ATP5MG: variants seen among roughly 807,000 people sequenced by gnomAD.
ATP5MG encodes ATP synthase membrane subunit g, also known as ATP synthase F(0) complex subunit g, mitochondrial.
A neutral mutation model predicts 12.7 loss-of-function variants in ATP5MG; 7 were observed. That is an observed-to-expected ratio of 0.55 (90% CI 0.31 to 1.04). The LOEUF (loss-of-function observed/expected upper bound fraction) is 1.04. Among genes scored for constraint, ATP5MG ranks in the 50% least tolerant of loss-of-function variants. ATP5MG has a pLI of 0.05. For missense variants in ATP5MG, 116 were observed against 126.7 expected, an observed-to-expected ratio of 0.92 and a Z score of 0.41; for synonymous variants, 53 against 48.2, an observed-to-expected ratio of 1.10 and a Z score of -0.41.
rs1267792141 is a variant in ATP5MG, at chr11:118,407,059, A to G, written c.175A>G (p.Ser59Gly). 2 of 1,614,184 alleles carry G rather than the reference A, an allele frequency of 1.2e-6. No individual in the cohort carries two copies. Among genetic ancestry groups the G allele is most frequent in the Non-Finnish European group, 1.7e-6 (2 of 1,180,038 alleles). ...TCAGAGCCTGAAAAAAATAGTCAAT[A>G]GTGCTCAGACTGGTAGCTTCAAACA... Reference protein sequence around the residue: ...AIQSLKKIVNSAQTGSFKQLT... With the variant: ...AIQSLKKIVNGAQTGSFKQLT... Residue 59 changes from serine (S) to glycine (G), a missense_variant, in exon 2 of 3, where the codon AGT (serine) becomes GGT (glycine). Coordinates refer to ENST00000300688, the MANE Select transcript of ATP5MG (RefSeq NM_006476.5).
chr11:118,401,753 G>C, intron 1 of ATP5MG, 36 bp downstream of exon 1: 1 of 1,604,418 alleles, frequency 6.2e-7, no homozygotes, highest in Non-Finnish European at 8.5e-7. Context: ...GCGGGCACAC[G>C]GGCGGCAGGG....
intron 1 of ATP5MG, among the ~76,000 whole-genome samples, chr11:118,404,892 G>T (rs1297242276): frequency 1.3e-5 from 2 of 152,178 alleles, no homozygotes; most frequent in African/African-American, 4.8e-5. Context: ...CTTATTGTAT[G>T]GACTTGTACA....
rs781981094 is a variant in ATP5MG, at chr11:118,409,438, A to G, written c.*340A>G. ...GTGAGGGTTAGGTCTTGGGAAAACT[A>G]TAACTTGCCAAAGTAGAAGAAATAG... On this transcript the variant is annotated 3_prime_UTR_variant, in exon 3 of 3. Coordinates refer to ENST00000300688, the MANE Select transcript of ATP5MG (RefSeq NM_006476.5). 1.5e-4 allele frequency: 23 copies of G among 154,582 alleles called. No homozygotes were observed. The highest frequency in any genetic ancestry group is 3.2e-4 in the Non-Finnish European group (22 of 69,528). The allele number at this position is 154,582 out of a possible 1,614,324, so 9.6% of individuals were successfully genotyped here.
intron 1 of ATP5MG, among the ~76,000 whole-genome samples, chr11:118,403,221 G>T (rs1370498474): frequency 6.6e-6 from 1 of 152,154 alleles, no homozygotes; most frequent in African/African-American, 2.4e-5. Context: ...ATGGCCCTGC[G>T]GCGGTAGCTT....
At chr11:118,402,319 A>G (rs1051329803) in intron 1 of ATP5MG, among the ~76,000 whole-genome samples, 4 of 152,156 alleles carry the variant, frequency 2.6e-5, no homozygotes, top group Non-Finnish European at 4.4e-5. Context: ...GATCCGTATA[A>G]ACAATAATCT....
At position 118,406,695 on chromosome 11, in the gene ATP5MG, A is replaced by T. The variant is rs1555132137; in HGVS notation, c.53-242A>T. 15 of 527,152 alleles carry T rather than the reference A, an allele frequency of 2.8e-5. No individual in the cohort carries two copies. The South Asian group carries it at 3.1e-4, about 11-fold the overall frequency. 32.7% of individuals were successfully genotyped at this position (527,152 alleles called of 1,614,324 possible). On this transcript the variant is annotated intron_variant, in intron 1 of 2. Transcript: ENST00000300688. The stretch of plus-strand genomic sequence containing the variant: ...TGGCCACTAGTGAAGTACTGGCATA[A>T]TTGAATGTGCTTATAGCATCCTGCC...
intron 2 of ATP5MG, chr11:118,407,524 C>G (rs1430472145): frequency 6.2e-6 from 1 of 161,526 alleles, no homozygotes. Context: ...ATAAAAATAC[C>G]AAACTGGGTT....
rs1948997205 is a variant in ATP5MG at position 118,409,173 on chromosome 11, A to G, written c.*75A>G. The G allele has an allele frequency of 1.0e-6, 1 of 967,240 alleles. No individual in the cohort carries two copies. Among genetic ancestry groups the G allele is most frequent in the Non-Finnish European group, 1.5e-6 (1 of 679,104 alleles). 59.9% of individuals were successfully genotyped at this position (967,240 alleles called of 1,614,324 possible). ...TTGGACCATGTGTGATCAGACTGCT[A>G]TCTGAATAAAATAAGATTTGTCAAA... On this transcript the variant is annotated 3_prime_UTR_variant, in exon 3 of 3. Coordinates refer to ENST00000300688, the MANE Select transcript of ATP5MG (RefSeq NM_006476.5).
Position 118,407,731 on chromosome 11 carries a change from G to C in ATP5MG, c.213+634G>C, listed in dbSNP as rs1211602698. On this transcript the variant is annotated intron_variant, in intron 2 of 2. Coordinates refer to ENST00000300688, the MANE Select transcript of ATP5MG (RefSeq NM_006476.5). The stretch of plus-strand genomic sequence containing the variant: ...CAAAAAAGTGAAAAAAAATTGCCAG[G>C]TGTGGTGGCATGTACCTGTAGTCCC... Among the ~76,000 whole-genome samples the C allele has an allele frequency of 2.6e-5, 4 of 152,090 alleles. No homozygotes were observed. In the East Asian group the frequency reaches 7.7e-4, roughly 29 times the overall value.
chr11:118,405,061 T>A (rs902663848), intron 1 of ATP5MG, among the ~76,000 whole-genome samples: 1 of 152,230 alleles, frequency 6.6e-6, no homozygotes, highest in Non-Finnish European at 1.5e-5. Context: ...GTATTTTCCC[T>A]GTCCCAGCCC....
In ATP5MG at chr11:118,409,301, C is replaced by T. The variant is rs1032233669; in HGVS notation, c.*203C>T. On this transcript the variant is annotated 3_prime_UTR_variant, in exon 3 of 3. Transcript: ENST00000300688. ...ACCCTAAATACACGTCTGTTTAGCC[C>T]GCAATTGGAAAGGATATATGTGGCA... 1 of 284,942 alleles carries T rather than the reference C, an allele frequency of 3.5e-6. No homozygotes were observed. The highest frequency in any genetic ancestry group is 6.6e-6 in the Non-Finnish European group (1 of 152,272). The allele number at this position is 284,942 out of a possible 1,614,324, so 17.7% of individuals were successfully genotyped here.
intron 1 of ATP5MG, among the ~76,000 whole-genome samples, chr11:118,402,756 C>T (rs1300366384): frequency 6.2e-5 from 9 of 145,068 alleles, no homozygotes; most frequent in Non-Finnish European, 1.3e-4. Flanking sequence ...GGCTGGAGTG[C>T]AGTGCAGATC....
rs1948993068 is a variant in ATP5MG at position 118,408,752 on chromosome 11, T to C, written c.214-248T>C. 2.0e-5 allele frequency among the ~76,000 whole-genome samples: 3 copies of C among 152,128 alleles called. No individual in the cohort carries two copies. The South Asian group carries it at 6.2e-4, about 32-fold the overall frequency. ...GTCAGTTCAGGTCTTTAAAGAATGC[T>C]TTGAAAGAATTTATATAAGCTTTGA... On this transcript the variant is annotated intron_variant, in intron 2 of 2. Coordinates refer to ENST00000300688, the MANE Select transcript of ATP5MG (RefSeq NM_006476.5).
At chr11:118,403,854 G>T (rs1166404972) in intron 1 of ATP5MG, 3 of 151,744 alleles carry the variant, frequency 2.0e-5, no homozygotes, top group African/African-American at 7.3e-5. Flanking sequence ...GGACTTTGTG[G>T]GTGATTTAAG....
chr11:118,405,264 G>T (rs1948962894), intron 1 of ATP5MG, among the ~76,000 whole-genome samples: 3 of 152,114 alleles, frequency 2.0e-5, no homozygotes, highest in South Asian at 4.1e-4. Flanking sequence ...ACTAAGCCAT[G>T]TATATACATG....
In ATP5MG at chr11:118,409,822, C is replaced by T. The variant is rs991576021; in HGVS notation, c.*724C>T. On this transcript the variant is annotated 3_prime_UTR_variant, in exon 3 of 3. Coordinates refer to ENST00000300688, the MANE Select transcript of ATP5MG (RefSeq NM_006476.5). ...CTGGATCTAAATAGTATATTATATC[C>T]TGAAATAAATGAAATGATTGCTATA... is the stretch of plus-strand genomic sequence containing the variant. 1 of 152,096 alleles carries T rather than the reference C, an allele frequency of 6.6e-6. No homozygotes were observed. The highest frequency in any genetic ancestry group is 1.5e-5 in the Non-Finnish European group (1 of 68,034). The allele number at this position is 152,096 out of a possible 1,614,324, so 9.4% of individuals were successfully genotyped here. A position where few individuals can be genotyped will look rare whatever the true frequency, so the allele number is the denominator to read the frequency against.
intron 1 of ATP5MG, among the ~76,000 whole-genome samples, chr11:118,402,571 T>C (rs541585125): frequency 5.9e-5 from 9 of 152,178 alleles, no homozygotes; most frequent in Admixed American, 1.3e-4. Context: ...GAAGGTCGGA[T>C]CTCTTAACTT....
At chr11:118,402,734 C>T (rs1238155205) in intron 1 of ATP5MG, among the ~76,000 whole-genome samples, 2 of 146,282 alleles carry the variant, frequency 1.4e-5, no homozygotes, top group Admixed American at 6.9e-5. Context: ...CAGGGACTCA[C>T]TCTGTCGCCC....
intron 1 of ATP5MG, chr11:118,401,983 G>T: frequency 2.3e-6 from 1 of 441,822 alleles, no homozygotes; most frequent in Non-Finnish European, 4.0e-6. Context: ...AAGGAAGCCC[G>T]GCGTTGCCCG....
Sources: gnomAD v4.1 joint callset for allele counts (sites outside exome capture counted in the v4.1 genomes callset) on GRCh38, gnomAD v4.1.1 for gene constraint, MANE v1.5 for transcripts, NCBI Gene and HGNC (gene_info 2026-07-23, HGNC 2026-07-21) for gene names.